The following BLK variants were observed in gnomAD, a reference collection of about 807,000 sequenced individuals.
BLK encodes the protein tyrosine-protein kinase Blk.
A neutral mutation model predicts 61.8 loss-of-function variants in BLK; 64 were observed. That is an observed-to-expected ratio of 1.03 (90% CI 0.85 to 1.27). The LOEUF (loss-of-function observed/expected upper bound fraction) is 1.27, where lower values mean the gene tolerates loss of function less well. BLK is among the 50% of genes most tolerant of loss of function. The pLI, the probability that BLK is intolerant of heterozygous loss-of-function variation, is 0.00. For synonymous variants in BLK, 351 were observed against 272.0 expected (o/e 1.29, Z -2.86); for missense variants, 853 against 660.5 (o/e 1.29, Z -3.19).
chr8:11,532,732 A>G (rs920447143), intron 1 of BLK, among the ~76,000 whole-genome samples: 1 of 152,176 alleles, frequency 6.6e-6, no homozygotes, highest in Admixed American at 6.5e-5. Flanking sequence ...CTTTTCTCCT[A>G]GTTGAGAGTC....
At chr8:11,539,349 T>G (rs921390942) in intron 1 of BLK, among the ~76,000 whole-genome samples, 2 of 152,200 alleles carry the variant, frequency 1.3e-5, no homozygotes, top group African/African-American at 4.8e-5. Context: ...TCCAGCACAT[T>G]TTTTTTAGTA....
chr8:11,505,155 C>A (rs1033740910), intron 1 of BLK, among the ~76,000 whole-genome samples: 1 of 152,148 alleles, frequency 6.6e-6, no homozygotes, highest in African/African-American at 2.4e-5. Context: ...AACAGCAAAA[C>A]CACCTACCAT....
At chr8:11,519,426 T>C (rs1378301391) in intron 1 of BLK, among the ~76,000 whole-genome samples, 2 of 152,312 alleles carry the variant, frequency 1.3e-5, no homozygotes, top group East Asian at 3.9e-4. Flanking sequence ...TAGGCAATAA[T>C]TCATACACAA....
intron 1 of BLK, among the ~76,000 whole-genome samples, chr8:11,517,287 G>A (rs980243072): frequency 6.6e-6 from 1 of 152,240 alleles, no homozygotes; most frequent in Non-Finnish European, 1.5e-5. Flanking sequence ...GGATTTGTAT[G>A]TGCAGAATAC....
intron 10 of BLK, chr8:11,558,944 A>G (rs1000711873): frequency 2.2e-6 from 1 of 455,226 alleles, no homozygotes. Context: ...TGATGCCACA[A>G]CGCCTTTTTC....
intron 1 of BLK, among the ~76,000 whole-genome samples, chr8:11,507,962 C>T (rs927304333): frequency 1.3e-5 from 2 of 152,136 alleles, no homozygotes; most frequent in African/African-American, 2.4e-5. Context: ...TCCAGTGCAC[C>T]CTTTGGTGGC....
At chr8:11,510,800 A>C (rs531370974) in intron 1 of BLK, among the ~76,000 whole-genome samples, 1 of 151,472 alleles carries the variant, frequency 6.6e-6, no homozygotes, top group African/African-American at 2.4e-5. Flanking sequence ...TAAATAAATA[A>C]ATAAATAAAT....
At chr8:11,550,909 T>TATAGGG (rs1346605389) in intron 6 of BLK, among the ~76,000 whole-genome samples, 1 of 152,182 alleles carries the variant, frequency 6.6e-6, no homozygotes, top group African/African-American at 2.4e-5. Context: ...TTCTAAATCA[T>TATAGGG]ATAGGGTAAT....
chr8:11,558,064 A>G lies in BLK; in HGVS notation c.1029+26A>G, dbSNP rs780871177. Reference sequence around the variant, plus strand: ...GTTGGTGAAGTACCAGGTGCAGAGAAAGGGCGGCATGTGCCACCTGCTGCC... The same window carrying G: ...GTTGGTGAAGTACCAGGTGCAGAGAGAGGGCGGCATGTGCCACCTGCTGCC... On this transcript the variant is annotated intron_variant, in intron 10 of 12. Transcript: ENST00000259089. The G allele has an allele frequency of 5.0e-6, 8 of 1,612,092 alleles. No homozygotes were observed. The Admixed American group carries it at 1.3e-4, about 27-fold the overall frequency.
At chr8:11,527,786 A>AG (rs1799719647) in intron 1 of BLK, among the ~76,000 whole-genome samples, 1 of 151,976 alleles carries the variant, frequency 6.6e-6, no homozygotes, top group South Asian at 2.1e-4. Context: ...AAAAAAAAAA[A>AG]AAAATCTCAA....
At chr8:11,519,768 G>A (rs771721635) in intron 1 of BLK, among the ~76,000 whole-genome samples, 1 of 152,186 alleles carries the variant, frequency 6.6e-6, no homozygotes, top group African/African-American at 2.4e-5. Flanking sequence ...GTAATGTGAG[G>A]ATTTGAATCC....
intron 1 of BLK, among the ~76,000 whole-genome samples, chr8:11,514,398 G>A (rs1035162052): frequency 2.6e-5 from 4 of 152,344 alleles, no homozygotes; most frequent in African/African-American, 4.8e-5. Context: ...GGGTGTTTGC[G>A]GGCTACAGGC....
chr8:11,541,401 GACAA>G, intron 1 of BLK, among the ~76,000 whole-genome samples: 1 of 151,994 alleles, frequency 6.6e-6, no homozygotes, highest in East Asian at 1.9e-4. Context: ...TTATTACATT[GACAA>G]ATTAAAGGTG....
chr8:11,523,469 C>G (rs373584147), intron 1 of BLK, among the ~76,000 whole-genome samples: 70 of 152,312 alleles, frequency 4.6e-4, no homozygotes, highest in African/African-American at 1.6e-3. Context: ...AGGAGAATCA[C>G]TTGAACCCCG....
chr8:11,553,252 A>G (rs763103675), intron 6 of BLK: 1 of 216,480 alleles, frequency 4.6e-6, no homozygotes, highest in African/African-American at 2.3e-5. Flanking sequence ...GCCTCAGTTT[A>G]CTGGTGTCTA....
intron 2 of BLK, among the ~76,000 whole-genome samples, chr8:11,543,903 C>T (rs1202088157): frequency 6.6e-6 from 1 of 151,964 alleles, no homozygotes; most frequent in African/African-American, 2.4e-5. Flanking sequence ...CCTAGTCATG[C>T]AGTTTGATTT....
intron 1 of BLK, among the ~76,000 whole-genome samples, chr8:11,522,675 TAA>T (rs539018189): frequency 0.014 from 1,594 of 115,388 alleles, 21 homozygotes; most frequent in African/African-American, 0.046. Flanking sequence ...AAGGATACAG[TAA>T]AAAAAAAAAA....
chr8:11,555,177 A>G (rs1169666353), intron 7 of BLK, among the ~76,000 whole-genome samples, 155 bp from the exon 8 acceptor site: 3 of 152,116 alleles, frequency 2.0e-5, no homozygotes, highest in East Asian at 1.9e-4. Flanking sequence ...GAAGAGAAAG[A>G]GTTGAGTGTG....
chr8:11,559,018 C>T (rs1441274387), intron 10 of BLK: 1 of 456,304 alleles, frequency 2.2e-6, no homozygotes, highest in Admixed American at 2.3e-5. Context: ...TGGTAACCGG[C>T]TTCAAACCCC....
Sources: gnomAD v4.1 joint callset for allele counts (sites outside exome capture counted in the v4.1 genomes callset) on GRCh38, gnomAD v4.1.1 for gene constraint, MANE v1.5 for transcripts, NCBI Gene and HGNC (gene_info 2026-07-23, HGNC 2026-07-21) for gene names.